The following ZNF536 variants were observed in gnomAD, a reference collection of about 807,000 sequenced individuals.
ZNF536 encodes the protein zinc finger protein 536.
A neutral mutation model predicts 84.5 loss-of-function variants in ZNF536; 13 were observed. That is an observed-to-expected ratio of 0.15 (90% CI 0.10 to 0.24). The LOEUF (loss-of-function observed/expected upper bound fraction) is 0.24, where lower values mean the gene tolerates loss of function less well. Ranked by LOEUF, ZNF536 falls within the 10% of genes least tolerant of loss-of-function variation. ZNF536 has a pLI of 1.00. For missense variants in ZNF536, 1,536 were observed against 1,747.5 expected, an observed-to-expected ratio of 0.88 and a Z score of 2.16; for synonymous variants, 811 against 742.5, an observed-to-expected ratio of 1.09 and a Z score of -1.50.
At position 30,548,608 on chromosome 19, in the gene ZNF536, A is replaced by G. The variant is rs2146209235; in HGVS notation, c.2989A>G (p.Ser997Gly). The G allele has an allele frequency of 6.2e-7, 1 of 1,614,182 alleles. No individual in the cohort carries two copies. The highest frequency in any genetic ancestry group is 8.5e-7 in the Non-Finnish European group (1 of 1,180,044). ...LPGSSVTVQD[S>G]IAWHGCLFCA... is the part of the protein sequence containing the mutation. ...GGGCTCCTCGGTAACTGTGCAGGAC[A>G]GCATTGCATGGCACGGCTGCTTGTT... The change falls in exon 4 of 5, where the codon AGC (serine) becomes GGC (glycine). Residue 997 changes from serine to glycine, a missense_variant. Physicochemically the swap from Ser to Gly is moderately conservative, Grantham distance 56. Transcript: ENST00000355537.
chr19:30,637,925 A>G (rs1479485420), intron 1 of ZNF536, among the ~76,000 whole-genome samples: 2 of 152,172 alleles, frequency 1.3e-5, no homozygotes, highest in Non-Finnish European at 2.9e-5. Flanking sequence ...TGTAGACAAA[A>G]TAGATTGCCT....
rs1485162212 is a variant in ZNF536, at chr19:30,548,803, G to A, written c.3184G>A (p.Asp1062Asn). Residue 1062 changes from aspartate to asparagine, a missense_variant, in exon 4 of 5, where the codon GAC becomes AAC. Coordinates refer to ENST00000355537, the MANE Select transcript of ZNF536 (RefSeq NM_014717.3). ...GCTGCCCTCGTTACAATCAAACAAA[G>A]ACCTGGGCCTCTCCAATATGATCAG... is the stretch of plus-strand genomic sequence containing the variant. ...ALLPSLQSNK[D>N]LGLSNMISSL... 6.2e-7 allele frequency: 1 copy of A among 1,613,950 alleles called. No homozygotes were observed. The highest frequency in any genetic ancestry group is 8.5e-7 in the Non-Finnish European group (1 of 1,180,018).
In ZNF536 at chr19:30,301,845, A is replaced by G. The variant is rs79549305; in HGVS notation, c.-120+17704A>G. Among the ~76,000 whole-genome samples, 868 of 150,630 alleles carry G rather than the reference A, an allele frequency of 5.8e-3. 15 individuals carry two copies. Among genetic ancestry groups the G allele is most frequent in the African/African-American group, 0.02 (829 of 40,958 alleles). On this transcript the variant is annotated intron_variant, in intron 2 of 5. Transcript: ENST00000585628. Reference sequence around the variant, plus strand: ...TAATGTATGATGCTGAAAAAAAAAAAGCCCAGGGAAAAGGGGAATTACCAG... The same window carrying G: ...TAATGTATGATGCTGAAAAAAAAAAGGCCCAGGGAAAAGGGGAATTACCAG...
chr19:30,627,468 CAAAAAAAAAAAAAAAAAAAAAAAAA>C (rs569312789), intron 1 of ZNF536, among the ~76,000 whole-genome samples: 8 of 52,028 alleles, frequency 1.5e-4, no homozygotes, highest in African/African-American at 1.9e-4. Flanking sequence ...AAGGCCCTGT[CAAAAAAAAAAAAAAAAAAAAAAAAA>C]AAAAAAAAAA....
At chr19:30,458,445 C>CTGTTTTTTTTTT (rs2052962595) in intron 2 of ZNF536, among the ~76,000 whole-genome samples, 1 of 93,692 alleles carries the variant, frequency 1.1e-5, no homozygotes, top group African/African-American at 5.8e-5. Flanking sequence ...CAATTTCCTG[C>CTGTTTTTTTTTT]TGTTTTTTTT....
At position 30,456,901 on chromosome 19, in the gene ZNF536, G is replaced by A. The variant is rs535503150; in HGVS notation, c.2170+11169G>A. Among the ~76,000 whole-genome samples the A allele has an allele frequency of 5.3e-3, 804 of 152,202 alleles. 14 individuals are homozygous for A. Among genetic ancestry groups the A allele is most frequent in the African/African-American group, 0.018 (760 of 41,540 alleles). ...TACTAAAAATACAAAAATTAGCTGG[G>A]CGTGGTGGTGGGCGCCTGTAATCCC... On this transcript the variant is annotated intron_variant, in intron 2 of 4. Coordinates refer to ENST00000355537, the MANE Select transcript of ZNF536 (RefSeq NM_014717.3).
intron 1 of ZNF536, among the ~76,000 whole-genome samples, chr19:30,677,766 T>A (rs989969669): frequency 2.6e-5 from 4 of 152,236 alleles, no homozygotes; most frequent in African/African-American, 9.6e-5. Flanking sequence ...AAAAGCCTCC[T>A]AAGACCCTGA....
At chr19:30,361,830 C>A (rs1225240404) in intron 3 of ZNF536, among the ~76,000 whole-genome samples, 1 of 63,326 alleles carries the variant, frequency 1.6e-5, no homozygotes. Context: ...GTGGGTGGGG[C>A]GGGCATCCCA....
At chr19:30,419,672 A>G (rs1467869303) in intron 1 of ZNF536, among the ~76,000 whole-genome samples, 1 of 152,202 alleles carries the variant, frequency 6.6e-6, no homozygotes, top group African/African-American at 2.4e-5. Flanking sequence ...ATGAGAGCTG[A>G]ATGTGCAAAT....
chr19:30,443,771 T>G lies in ZNF536; in HGVS notation c.209T>G (p.Val70Gly). 6.2e-7 allele frequency: 1 copy of G among 1,612,980 alleles called. No individual in the cohort carries two copies. The highest frequency in any genetic ancestry group is 8.5e-7 in the Non-Finnish European group (1 of 1,179,562). ...GCATCCCTGGAGGAGAAGGCCCACG[T>G]GCCCATGAGCGGCCAGCCCATGGGC... is the stretch of plus-strand genomic sequence containing the variant. ...PPASLEEKAH[V>G]PMSGQPMGSQ... The change falls in exon 2 of 5, where the codon GTG becomes GGG. Residue 70 changes from valine to glycine, a missense_variant. By Grantham distance (109) the Val-to-Gly change is moderately radical. Transcript: ENST00000355537.
At chr19:30,584,876 G>T (rs987546951) in intron 1 of ZNF536, among the ~76,000 whole-genome samples, 1 of 152,134 alleles carries the variant, frequency 6.6e-6, no homozygotes, top group African/African-American at 2.4e-5. Flanking sequence ...CAGGAGAATT[G>T]CTTGAGGCCA....
chr19:30,712,314 A>G (rs2052476916), exon 2 of ZNF536: 1 of 152,178 alleles, frequency 6.6e-6, no homozygotes, highest in South Asian at 2.1e-4. Flanking sequence ...AGCATGGTGT[A>G]AAGTTGAGCC....
At chr19:30,388,840 T>C (rs1175411229) in intron 1 of ZNF536, among the ~76,000 whole-genome samples, 4 of 152,212 alleles carry the variant, frequency 2.6e-5, no homozygotes, top group African/African-American at 9.7e-5. Context: ...TCCTCCACTT[T>C]CCAGGCTTAA....
chr19:30,311,616 TTCTC>T (rs146108019), intron 2 of ZNF536, among the ~76,000 whole-genome samples: 2 of 150,124 alleles, frequency 1.3e-5, no homozygotes, highest in Non-Finnish European at 3.0e-5. Context: ...TTACATCAAC[TTCTC>T]TCTCTCTCTC....
intron 1 of ZNF536, among the ~76,000 whole-genome samples, chr19:30,635,067 GGTGT>G (rs10693532): frequency 8.0e-5 from 12 of 150,276 alleles, no homozygotes; most frequent in African/African-American, 2.2e-4. Flanking sequence ...AAGAAAGCTG[GGTGT>G]GTGTGTGTGT....
At chr19:30,617,489 G>T (rs545721097) in intron 1 of ZNF536, among the ~76,000 whole-genome samples, 2 of 151,126 alleles carry the variant, frequency 1.3e-5, no homozygotes, top group Non-Finnish European at 3.0e-5. Context: ...TAACTGGGAC[G>T]ACAGGCGCCT....
intron 1 of ZNF536, among the ~76,000 whole-genome samples, chr19:30,628,223 G>A (rs1568616841): frequency 6.6e-6 from 1 of 152,206 alleles, no homozygotes; most frequent in East Asian, 1.9e-4. Flanking sequence ...GCCTTTGTGG[G>A]AGAGCCTGGG....
At chr19:30,501,608 G>A (rs1169835518) in intron 2 of ZNF536, among the ~76,000 whole-genome samples, 4 of 152,190 alleles carry the variant, frequency 2.6e-5, no homozygotes, top group Admixed American at 2.6e-4. Flanking sequence ...AAAGTAAAGT[G>A]TTCGCAGATC....
At chr19:30,394,922 ACACTGGTTTTGGAG>A (rs1428045051) in intron 1 of ZNF536, among the ~76,000 whole-genome samples, 2 of 152,240 alleles carry the variant, frequency 1.3e-5, no homozygotes, top group East Asian at 1.9e-4. Context: ...CAACCCCTTA[ACACTGGTTTTGGAG>A]CACTGGTTTC....
Sources: gnomAD v4.1 joint callset for allele counts (sites outside exome capture counted in the v4.1 genomes callset) on GRCh38, gnomAD v4.1.1 for gene constraint, MANE v1.5 for transcripts, NCBI Gene and HGNC (gene_info 2026-07-23, HGNC 2026-07-21) for gene names.